The following MYLK variants were observed in gnomAD, a reference collection of about 807,000 sequenced individuals.
MYLK encodes the protein myosin light chain kinase.
Under a neutral mutation model 203.4 loss-of-function variants are expected in MYLK, and 106 were observed. The ratio of observed to expected loss-of-function variants is 0.52; its 90% CI spans 0.45 to 0.61. The LOEUF (loss-of-function observed/expected upper bound fraction) is 0.61, where lower values mean the gene tolerates loss of function less well. MYLK is among the 20% of genes least tolerant of loss of function. The pLI is 0.00. For missense variants in MYLK, 2,072 were observed against 2,442.3 expected (o/e 0.85, Z 3.20); for synonymous variants, 867 against 959.5 (o/e 0.90, Z 1.78).
chr3:123,875,249 G>T (rs951313780), intron 2 of MYLK, among the ~76,000 whole-genome samples: 4 of 152,108 alleles, frequency 2.6e-5, no homozygotes, highest in Admixed American at 2.6e-4. Context: ...GTAAACACAC[G>T]GTGATACGTC....
chr3:123,813,133 A>G (rs1476782629), intron 3 of MYLK, among the ~76,000 whole-genome samples: 2 of 152,180 alleles, frequency 1.3e-5, no homozygotes, highest in African/African-American at 2.4e-5. Context: ...ATCCTCTACC[A>G]TTTGAACTGA....
intron 16 of MYLK, 137 bp downstream of exon 16, chr3:123,707,617 T>C: frequency 7.5e-7 from 1 of 1,338,092 alleles, no homozygotes; most frequent in Non-Finnish European, 1.1e-6. Context: ...TGAGCAGCAC[T>C]GAGCCCGCAC....
intron 4 of MYLK, among the ~76,000 whole-genome samples, chr3:123,782,119 G>A (rs2064323003): frequency 6.6e-6 from 1 of 152,224 alleles, no homozygotes; most frequent in East Asian, 1.9e-4. Context: ...TGTGAGACTC[G>A]GGAAGGTTTA....
At chr3:123,717,358 G>A (rs1329183193) in intron 13 of MYLK, among the ~76,000 whole-genome samples, 6 of 152,296 alleles carry the variant, frequency 3.9e-5, no homozygotes, top group Admixed American at 1.3e-4. Flanking sequence ...TAGAAGCTCT[G>A]CATCAAAACA....
intron 2 of MYLK, among the ~76,000 whole-genome samples, chr3:123,835,124 T>C (rs1398992073): frequency 3.3e-5 from 5 of 152,218 alleles, no homozygotes; most frequent in African/African-American, 1.2e-4. Flanking sequence ...TTTCTCAAAG[T>C]GTGGTCCCTA....
At chr3:123,651,990 T>C (rs2059230177) in intron 24 of MYLK, among the ~76,000 whole-genome samples, 1 of 152,244 alleles carries the variant, frequency 6.6e-6, no homozygotes, top group African/African-American at 2.4e-5. Context: ...CAAGTGCCTG[T>C]AGTCCCAGCT....
chr3:123,683,727 G>A (rs1051295576), intron 19 of MYLK, among the ~76,000 whole-genome samples: 9 of 152,148 alleles, frequency 5.9e-5, no homozygotes, highest in Non-Finnish European at 1.0e-4. Context: ...GGCTGTGGGG[G>A]CAATCCCCCA....
intron 19 of MYLK, among the ~76,000 whole-genome samples, chr3:123,686,936 T>C (rs2060478651): frequency 6.6e-6 from 1 of 152,170 alleles, no homozygotes; most frequent in Middle Eastern, 3.2e-3. Flanking sequence ...AAAGAATAAA[T>C]GTGGGCCAGG....
chr3:123,842,272 A>C (rs867147947), intron 2 of MYLK, among the ~76,000 whole-genome samples: 31 of 152,286 alleles, frequency 2.0e-4, no homozygotes, highest in African/African-American at 7.5e-4. Context: ...TAATATAATT[A>C]ATCAGAAAGA....
At chr3:123,856,975 A>G (rs922227719) in intron 2 of MYLK, among the ~76,000 whole-genome samples, 1 of 152,106 alleles carries the variant, frequency 6.6e-6, no homozygotes, top group Non-Finnish European at 1.5e-5. Flanking sequence ...CCCCATCAAA[A>G]AGTGGGCGAA....
chr3:123,815,959 G>C (rs1448193626), intron 3 of MYLK, among the ~76,000 whole-genome samples: 1 of 152,198 alleles, frequency 6.6e-6, no homozygotes, highest in Non-Finnish European at 1.5e-5. Context: ...AGCTTCCCCT[G>C]CTCAGCCCAG....
In MYLK at chr3:123,708,829, T is replaced by A. The variant is rs1057524740; in HGVS notation, c.2009A>T (p.His670Leu). 8.1e-6 allele frequency: 13 copies of A among 1,614,058 alleles called. No individual in the cohort carries two copies. Among genetic ancestry groups the A allele is most frequent in the South Asian group, 5.5e-5 (5 of 91,086 alleles). Residue 670 changes from histidine (H) to leucine (L), a missense_variant, in exon 15 of 34, where the codon CAC (histidine) becomes CTC (leucine). By Grantham distance (99) the His-to-Leu change is moderately conservative. This residue lies in a region of MYLK where 865 missense variants were observed against 1,016.0 expected (regional missense o/e 0.85). Coordinates refer to ENST00000360304, the MANE Select transcript of MYLK (RefSeq NM_053025.4). ...GNEIQESEDF[H>L]FEQRGTQHSL... ...GTGCTGAGTTCCTCTCTGTTCAAAG[T>A]GGAAGTCCTCTGACTCTTGGATCTC... is the stretch of plus-strand genomic sequence containing the variant.
At chr3:123,693,206 G>A (rs2060755673) in intron 18 of MYLK, among the ~76,000 whole-genome samples, 1 of 152,170 alleles carries the variant, frequency 6.6e-6, no homozygotes, top group Non-Finnish European at 1.5e-5. Flanking sequence ...CTGCCCCCTG[G>A]ACGTCACCAA....
chr3:123,649,318 C>T, intron 24 of MYLK, 124 bp from the exon 25 acceptor site: 1 of 1,276,834 alleles, frequency 7.8e-7, no homozygotes, highest in Non-Finnish European at 1.1e-6. Flanking sequence ...CTACCAGGTC[C>T]AGAGCTCTGG....
At chr3:123,727,491 G>C (rs979802933) in intron 11 of MYLK, among the ~76,000 whole-genome samples, 11 of 152,192 alleles carry the variant, frequency 7.2e-5, no homozygotes, top group African/African-American at 2.7e-4. Flanking sequence ...TCTTATCTAG[G>C]AAATGGGTAT....
At chr3:123,707,009 C>T (rs746691720) in intron 16 of MYLK, among the ~76,000 whole-genome samples, 11 of 152,208 alleles carry the variant, frequency 7.2e-5, no homozygotes, top group South Asian at 6.2e-4. Context: ...GAAGTGATGG[C>T]GTGTGGCTTC....
intron 19 of MYLK, 27 bp from the exon 20 acceptor site, chr3:123,682,337 G>GTGGAAACAGAGATGGGACAGT: frequency 1.3e-6 from 2 of 1,534,072 alleles, no homozygotes; most frequent in Non-Finnish European, 1.8e-6. Context: ...AACAATAAAT[G>GTGGAAACAGAGATGGGACAGT]TTAGCAGCTG....
intron 18 of MYLK, among the ~76,000 whole-genome samples, 190 bp downstream of exon 18, chr3:123,699,830 C>T (rs138537994): frequency 0.011 from 1,600 of 152,314 alleles, 16 homozygotes; most frequent in South Asian, 0.022. Context: ...GCCCCTGAGC[C>T]GGGACCTATC....
At chr3:123,633,600 G>A (rs2058521932) in intron 29 of MYLK, among the ~76,000 whole-genome samples, 1 of 152,142 alleles carries the variant, frequency 6.6e-6, no homozygotes, top group South Asian at 2.1e-4. Flanking sequence ...TTTCTTCACT[G>A]GATGTATCAA....
Sources: allele counts gnomAD v4.1 joint callset (sites outside exome capture counted in the v4.1 genomes callset), GRCh38; gene constraint gnomAD v4.1.1; regional missense constraint gnomAD v4.1.1; transcripts MANE v1.5; gene names NCBI Gene and HGNC (gene_info 2026-07-23, HGNC 2026-07-21).